Variants in DYNC2H1 observed in about 807,000 individuals in gnomAD.
DYNC2H1 encodes dynein cytoplasmic 2 heavy chain 1, also known as cytoplasmic dynein 2 heavy chain 1.
In DYNC2H1, 410 loss-of-function variants were observed where a neutral mutation model predicts 570.0. The ratio of observed to expected loss-of-function variants is 0.72; its 90% CI spans 0.66 to 0.78. The LOEUF is 0.78. Ranked by LOEUF, DYNC2H1 falls within the 30% of genes least tolerant of loss-of-function variation. The pLI, the probability that DYNC2H1 is intolerant of heterozygous loss-of-function variation, is 0.00. For missense variants in DYNC2H1, 4,865 were observed against 5,046.4 expected (o/e 0.96, Z 1.09); for synonymous variants, 1,688 against 1,677.6 (o/e 1.01, Z -0.15).
intron 84 of DYNC2H1, among the ~76,000 whole-genome samples, chr11:103,420,950 A>C (rs1004748034): frequency 6.6e-6 from 1 of 152,218 alleles, no homozygotes; most frequent in African/African-American, 2.4e-5. Flanking sequence ...ATGAAGAACT[A>C]AGGCCCATTG....
intron 83 of DYNC2H1, among the ~76,000 whole-genome samples, chr11:103,377,147 T>C (rs1370131176): frequency 6.6e-6 from 1 of 152,210 alleles, no homozygotes; most frequent in African/African-American, 2.4e-5. Flanking sequence ...TGGATGTTCA[T>C]ATCTCTCCCA....
chr11:103,214,448 T>TC (rs1222083924), intron 54 of DYNC2H1, among the ~76,000 whole-genome samples: 5 of 146,806 alleles, frequency 3.4e-5, no homozygotes, highest in African/African-American at 9.9e-5. Flanking sequence ...TTCTTCTTCT[T>TC]TTTTTTTTTT....
At position 103,120,694 on chromosome 11, in the gene DYNC2H1, G is replaced by T; in HGVS notation, c.1140G>T (p.Leu380Phe). The T allele has an allele frequency of 6.2e-7, 1 of 1,611,278 alleles. No individual in the cohort carries two copies. Among genetic ancestry groups the T allele is most frequent in the Non-Finnish European group, 8.5e-7 (1 of 1,178,674 alleles). Residue 380 changes from leucine (L) to phenylalanine (F), a missense_variant, in exon 8 of 89, where the codon TTG becomes TTT. Leu to Phe is a conservative substitution (Grantham distance 22). This residue lies in a region of DYNC2H1 where 1,936 missense variants were observed against 1,962.1 expected (regional missense o/e 0.99). Coordinates refer to ENST00000375735, the MANE Select transcript of DYNC2H1 (RefSeq NM_001377.3). Reference sequence around the variant, plus strand: ...AATGTTGTTAATGTATGTAGCCCTTGTGGAAAGCTGCGGTGTCTCAATATG... The same window carrying T: ...AATGTTGTTAATGTATGTAGCCCTTTTGGAAAGCTGCGGTGTCTCAATATG... The part of the protein sequence containing the change: ...PVQYNPYTEP[L>F]WKAAVSQYEK...
chr11:103,163,145 C>A lies in DYNC2H1; in HGVS notation c.4609C>A (p.Gln1537Lys). The A allele has an allele frequency of 6.2e-7, 1 of 1,609,758 alleles. No individual in the cohort carries two copies. Among genetic ancestry groups the A allele is most frequent in the Non-Finnish European group, 8.5e-7 (1 of 1,177,276 alleles). ...AGTTGACCCATCTCTGTTCCCTTCA[C>A]AGGTAAGGGGGCTTACGTGTAGAAG... ...GAVDPSLFPSQILCLAEQIKF... is the reference protein window; with the variant it reads ...GAVDPSLFPSKILCLAEQIKF... Residue 1537 changes from glutamine (Q) to lysine (K), a missense_variant and splice_region_variant, in exon 30 of 89, where the codon CAG becomes AAG. Around this residue, in one of 5 missense-constraint regions of DYNC2H1, gnomAD observed 1,936 missense variants for 1,962.1 expected, o/e 0.99. Transcript: ENST00000375735. This position sits in a 1 kb window ranked among gnomAD's most constrained non-coding sequence, Gnocchi z 4.6.
chr11:103,115,579 C>T (rs1333164062), intron 4 of DYNC2H1, among the ~76,000 whole-genome samples: 1 of 152,110 alleles, frequency 6.6e-6, no homozygotes, highest in Non-Finnish European at 1.5e-5. Context: ...GGGTGGATCA[C>T]TTGAGGTCAG....
chr11:103,215,738 A>G lies in DYNC2H1; in HGVS notation c.8712A>G (p.Leu2904=), dbSNP rs1863353419. ...QSHLQAGVSK[L]NEAKALVDEL... The stretch of plus-strand genomic sequence containing the variant: ...TGATGTAGGCTGGTGTATCTAAACT[A>G]AATGAAGCTAAAGCTCTTGTGGATG... The change falls in exon 55 of 89, where the codon CTA becomes CTG. Residue 2904 remains leucine, a synonymous_variant. Transcript: ENST00000375735. 1 of 1,609,242 alleles carries G rather than the reference A, an allele frequency of 6.2e-7. No individual in the cohort carries two copies. The highest frequency in any genetic ancestry group is 8.5e-7 in the Non-Finnish European group (1 of 1,177,594).
At position 103,121,412 on chromosome 11, in the gene DYNC2H1, T is replaced by A. The variant is rs750318762; in HGVS notation, c.1401T>A (p.Pro467=). The change falls in exon 10 of 89, where the codon CCT becomes CCA. Residue 467 remains proline, a synonymous_variant. Coordinates refer to ENST00000375735, the MANE Select transcript of DYNC2H1 (RefSeq NM_001377.3). ...TTGAGAATCGGTGCCGAGGAATTCC[T>A]GGTGATGCATCTGGACCACTTTCTG... is the stretch of plus-strand genomic sequence containing the variant. The part of the protein sequence containing the change: ...LDFENRCRGI[P]GDASGPLSGK... The A allele has an allele frequency of 1.2e-6, 2 of 1,613,124 alleles. No individual in the cohort carries two copies. Among genetic ancestry groups the A allele is most frequent in the Non-Finnish European group, 8.5e-7 (1 of 1,179,486 alleles).
intron 50 of DYNC2H1, among the ~76,000 whole-genome samples, chr11:103,202,843 G>GCT (rs1862777700): frequency 6.6e-6 from 1 of 152,146 alleles, no homozygotes; most frequent in Non-Finnish European, 1.5e-5. Context: ...ATTTGTAGAA[G>GCT]TGAACAAGAT....
In DYNC2H1 at chr11:103,240,777, T is replaced by C. The variant is rs187940953; in HGVS notation, c.9820-2916T>C. 2.0e-4 allele frequency among the ~76,000 whole-genome samples: 31 copies of C among 152,232 alleles called. No individual in the cohort carries two copies. In the East Asian group the frequency reaches 5.4e-3, roughly 27 times the overall value. On this transcript the variant is annotated intron_variant, in intron 63 of 88. Transcript: ENST00000375735. The stretch of plus-strand genomic sequence containing the variant: ...TGGAGTGATTTTTCTAAAACATTAA[T>C]CCGATCATAATATTGCCTCAATTAA...
At position 103,135,875 on chromosome 11, in the gene DYNC2H1, G is replaced by A; in HGVS notation, c.2501G>A (p.Ser834Asn). Residue 834 changes from serine to asparagine, a missense_variant, in exon 17 of 89, where the codon AGT (serine) becomes AAT (asparagine). Physicochemically the swap from Ser to Asn is conservative, Grantham distance 46 (BLOSUM62 1). Transcript: ENST00000375735. ...IFSIMIDRNA[S>N]GFLTIFSKAE... ...TCTATTATGATTGATAGAAATGCAA[G>A]TGGATTTTTGACGATTTTCAGCAAA... 1.2e-6 allele frequency: 2 copies of A among 1,612,954 alleles called. No homozygotes were observed. The highest frequency in any genetic ancestry group is 1.7e-6 in the Non-Finnish European group (2 of 1,179,488).
At chr11:103,445,824 T>C (rs1944404314) in intron 85 of DYNC2H1, among the ~76,000 whole-genome samples, 1 of 152,112 alleles carries the variant, frequency 6.6e-6, no homozygotes. Flanking sequence ...GCTAATTTTT[T>C]TGTATTTTTA....
intron 5 of DYNC2H1, 87 bp from the exon 6 acceptor site, chr11:103,117,544 A>T: frequency 9.0e-7 from 1 of 1,114,160 alleles, no homozygotes; most frequent in Non-Finnish European, 1.2e-6. Flanking sequence ...TGTATATTTT[A>T]AAAATATTGT....
intron 84 of DYNC2H1, among the ~76,000 whole-genome samples, chr11:103,431,759 A>G (rs1023184686): frequency 1.3e-5 from 2 of 152,078 alleles, no homozygotes; most frequent in African/African-American, 4.8e-5. Context: ...TCCCTGCAAA[A>G]TGTTGTTGAG....
intron 14 of DYNC2H1, 138 bp from the exon 15 acceptor site, chr11:103,134,183 G>A: frequency 4.5e-6 from 3 of 667,964 alleles, no homozygotes; most frequent in Non-Finnish European, 7.5e-6. Context: ...CAGTACATTG[G>A]TCAAGTATTG....
chr11:103,130,480 C>G (rs1859215646), intron 13 of DYNC2H1, among the ~76,000 whole-genome samples: 1 of 151,986 alleles, frequency 6.6e-6, no homozygotes, highest in South Asian at 2.1e-4. Flanking sequence ...CACTTTTTTT[C>G]TTGTTGGCAG....
chr11:103,265,167 C>G (rs539354855), intron 70 of DYNC2H1, among the ~76,000 whole-genome samples: 1 of 152,164 alleles, frequency 6.6e-6, no homozygotes, highest in Admixed American at 6.5e-5. Flanking sequence ...ACAATAAGAA[C>G]ACATGGACAC....
chr11:103,367,939 A>T (rs1940985461), intron 83 of DYNC2H1, among the ~76,000 whole-genome samples: 1 of 152,190 alleles, frequency 6.6e-6, no homozygotes, highest in South Asian at 2.1e-4. Context: ...CACAACTGAC[A>T]GAATTTCATT....
At position 103,369,875 on chromosome 11, in the gene DYNC2H1, G is replaced by A. The variant is rs1284406974; in HGVS notation, c.12156+11516G>A. ...TCTGAGGCTTACTGGCTTCAGGTGA[G>A]ACTCAGCACATTCCCAGCTGTGGTG... is the stretch of plus-strand genomic sequence containing the variant. On this transcript the variant is annotated intron_variant, in intron 83 of 88. Transcript: ENST00000375735. This position sits in a 1 kb window ranked among gnomAD's most constrained non-coding sequence, Gnocchi z 4.0. Among the ~76,000 whole-genome samples the A allele has an allele frequency of 6.6e-6, 1 of 152,214 alleles. No individual in the cohort carries two copies. The highest frequency in any genetic ancestry group is 2.4e-5 in the African/African-American group (1 of 41,450).
At chr11:103,184,796 T>C (rs1161566365) in intron 40 of DYNC2H1, 100 bp from the exon 41 acceptor site, 2 of 1,241,416 alleles carry the variant, frequency 1.6e-6, no homozygotes, top group Admixed American at 4.7e-5. Context: ...AGTTTAAAAA[T>C]GGTTCTTGAA....
Sources: allele counts gnomAD v4.1 joint callset (sites outside exome capture counted in the v4.1 genomes callset), GRCh38; gene constraint gnomAD v4.1.1; regional missense constraint gnomAD v4.1.1; non-coding constraint Gnocchi (gnomAD v3.1); transcripts MANE v1.5; gene names NCBI Gene and HGNC (gene_info 2026-07-23, HGNC 2026-07-21).